KIF2C: variants seen among roughly 807,000 people sequenced by gnomAD.
KIF2C encodes the protein kinesin-like protein KIF2C.
A neutral mutation model predicts 97.4 loss-of-function variants in KIF2C; 34 were observed. The observed-to-expected ratio is 0.35, with a 90% confidence interval of 0.27 to 0.46. The LOEUF (loss-of-function observed/expected upper bound fraction) is 0.46. Ranked by LOEUF, KIF2C falls within the 20% of genes least tolerant of loss-of-function variation. The pLI is 1.00. For synonymous variants in KIF2C, 313 were observed against 318.2 expected, an observed-to-expected ratio of 0.98 and a Z score of 0.17; for missense variants, 750 against 907.6, an observed-to-expected ratio of 0.83 and a Z score of 2.23.
chr1:44,753,955 A>ATTTTTTTTT (rs1649673304), intron 7 of KIF2C, 122 bp downstream of exon 7: 12 of 193,180 alleles, frequency 6.2e-5, no homozygotes, highest in African/African-American at 2.3e-4. Context: ...TGAGGCCCCA[A>ATTTTTTTTT]TTCTTTTTTT....
chr1:44,749,631 G>A (rs1311937856), intron 4 of KIF2C, among the ~76,000 whole-genome samples: 8 of 151,842 alleles, frequency 5.3e-5, no homozygotes. Flanking sequence ...GAAATAGGAC[G>A]ATTGTAAAAA....
intron 5 of KIF2C, among the ~76,000 whole-genome samples, chr1:44,750,980 A>AGTCTAAG (rs1649479339): frequency 6.6e-6 from 1 of 152,152 alleles, no homozygotes; most frequent in South Asian, 2.1e-4. Context: ...ATAGTTGAGG[A>AGTCTAAG]GTCTAAGGTC....
chr1:44,762,309 G>T, intron 17 of KIF2C, 37 bp from the exon 18 acceptor site: 1 of 1,543,036 alleles, frequency 6.5e-7, no homozygotes, highest in East Asian at 2.2e-5. Context: ...AGTACCAAGG[G>T]GGTGCTGTGG....
At chr1:44,767,046 G>T in intron 20 of KIF2C, 51 bp from the exon 21 acceptor site, 1 of 1,608,682 alleles carries the variant, frequency 6.2e-7, no homozygotes, top group Non-Finnish European at 8.5e-7. Context: ...AGTGAATGGG[G>T]GCTCCTCAGA....
At chr1:44,743,379 G>C (rs1649029495) in intron 2 of KIF2C, among the ~76,000 whole-genome samples, 1 of 152,154 alleles carries the variant, frequency 6.6e-6, no homozygotes. Context: ...TCACAGGGTT[G>C]TTGTGAGGAT....
Position 44,762,607 on chromosome 1 carries a change from G to A in KIF2C, c.1920G>A (p.Gln640=), listed in dbSNP as rs764454883. 1.2e-6 allele frequency: 2 copies of A among 1,614,060 alleles called. No individual in the cohort carries two copies. The highest frequency in any genetic ancestry group is 2.7e-5 in the African/African-American group (2 of 74,928). The part of the protein sequence containing the change: ...QMSSFNEAMT[Q]IRELEEKAME... ...CCAGCTTTAACGAAGCCATGACTCA[G>A]ATCAGGGAGCTGGAGGAGAAGGCTA... is the stretch of plus-strand genomic sequence containing the variant. Residue 640 remains glutamine (Q), a synonymous_variant, in exon 19 of 21, where the codon CAG becomes CAA. Transcript: ENST00000372224.
At chr1:44,741,325 T>C (rs1648923591) in intron 2 of KIF2C, among the ~76,000 whole-genome samples, 1 of 147,030 alleles carries the variant, frequency 6.8e-6, no homozygotes, top group Admixed American at 7.1e-5. Flanking sequence ...GAGGTTGCAG[T>C]GAGCCGAAAC....
chr1:44,740,856 TA>T, intron 1 of KIF2C, 56 bp from the exon 2 acceptor site: 1 of 1,137,872 alleles, frequency 8.8e-7, no homozygotes, highest in Non-Finnish European at 1.2e-6. Flanking sequence ...TGTGGAATCC[TA>T]AAAGTGAAGC....
At chr1:44,745,452 G>C (rs1331588278) in intron 2 of KIF2C, among the ~76,000 whole-genome samples, 2 of 115,162 alleles carry the variant, frequency 1.7e-5, no homozygotes, top group Non-Finnish European at 3.7e-5. Context: ...TGGTGGCAGG[G>C]GTTGTATATG....
In KIF2C at chr1:44,743,673, T is replaced by G. The variant is rs559968548; in HGVS notation, c.165+2666T>G. On this transcript the variant is annotated intron_variant, in intron 2 of 20. Coordinates refer to ENST00000372224, the MANE Select transcript of KIF2C (RefSeq NM_006845.4). Reference sequence around the variant, plus strand: ...CAGTCATAGTGGCTTGCGCCTGTGGTCCCAGCTACTCCAGAGGCTAAGGCA... The same window carrying G: ...CAGTCATAGTGGCTTGCGCCTGTGGGCCCAGCTACTCCAGAGGCTAAGGCA... 2.2e-3 allele frequency among the ~76,000 whole-genome samples: 338 copies of G among 152,296 alleles called. 1 individual carries two copies. Among genetic ancestry groups the G allele is most frequent in the African/African-American group, 7.9e-3 (328 of 41,554 alleles).
chr1:44,757,840 G>A, intron 11 of KIF2C, 68 bp from the exon 12 acceptor site: 1 of 1,490,628 alleles, frequency 6.7e-7, no homozygotes, highest in East Asian at 2.3e-5. Flanking sequence ...CTGTAGTGAA[G>A]GAGCCAGTAG....
intron 2 of KIF2C, chr1:44,746,397 G>A (rs1649198292): frequency 1.8e-6 from 2 of 1,105,250 alleles, no homozygotes; most frequent in Non-Finnish European, 2.2e-6. Flanking sequence ...AATAGGTAAG[G>A]CATGGGCAGG....
intron 8 of KIF2C, among the ~76,000 whole-genome samples, chr1:44,755,404 T>TA (rs879279453): frequency 2.0e-5 from 3 of 152,246 alleles, no homozygotes; most frequent in Admixed American, 2.0e-4. Context: ...TAGCTGGGAT[T>TA]ACAGGCATGT....
chr1:44,763,101 G>A (rs918356275), intron 19 of KIF2C, among the ~76,000 whole-genome samples: 2 of 152,154 alleles, frequency 1.3e-5, no homozygotes, highest in African/African-American at 4.8e-5. Flanking sequence ...AATTCATTTA[G>A]CCTCACTGGG....
intron 10 of KIF2C, among the ~76,000 whole-genome samples, chr1:44,756,638 C>T (rs1649853646): frequency 2.0e-5 from 3 of 150,816 alleles, no homozygotes; most frequent in Admixed American, 6.6e-5. Flanking sequence ...CTGCAACCTC[C>T]GCCTCCCAGG....
intron 19 of KIF2C, 136 bp downstream of exon 19, chr1:44,762,794 CTT>C (rs1364330541): frequency 1.6e-6 from 1 of 607,548 alleles, no homozygotes; most frequent in Admixed American, 2.9e-5. Flanking sequence ...CACCAGCACT[CTT>C]TAATTCTTTG....
intron 5 of KIF2C, among the ~76,000 whole-genome samples, chr1:44,752,139 T>A (rs1388619939): frequency 5.1e-5 from 7 of 137,678 alleles, no homozygotes; most frequent in Admixed American, 3.6e-4. Context: ...TTGAATTTTT[T>A]TTTTTTTTTT....
intron 14 of KIF2C, among the ~76,000 whole-genome samples, chr1:44,759,867 A>C (rs996678884): frequency 6.6e-6 from 1 of 152,078 alleles, no homozygotes; most frequent in Non-Finnish European, 1.5e-5. Flanking sequence ...GCACTTTTCC[A>C]CTAGGGCTGT....
In KIF2C at chr1:44,756,243, T is replaced by C. The variant is rs369092139; in HGVS notation, c.977+6T>C. ...TCGAATGAAGTTGTCTACAGGTTAG[T>C]CCCTTGCATCCATTTTTCCCTCCTT... On this transcript the variant is annotated splice_donor_region_variant and intron_variant, in intron 10 of 20. Transcript: ENST00000372224. 99 of 1,612,374 alleles carry C rather than the reference T, an allele frequency of 6.1e-5. No homozygotes were observed. In the African/African-American group the frequency reaches 1.2e-3, roughly 19 times the overall value.
Sources: allele counts gnomAD v4.1 joint callset (sites outside exome capture counted in the v4.1 genomes callset), GRCh38; gene constraint gnomAD v4.1.1; transcripts MANE v1.5; gene names NCBI Gene and HGNC (gene_info 2026-07-23, HGNC 2026-07-21).